The following CDHR1 variants were observed in gnomAD, a reference collection of about 807,000 sequenced individuals.
CDHR1 encodes the protein cadherin-related family member 1.
Under a neutral mutation model 72.1 loss-of-function variants are expected in CDHR1, and 61 were observed. The observed-to-expected ratio is 0.85, with a 90% CI of 0.69 to 1.05. The LOEUF is 1.05. CDHR1 is among the 50% of genes least tolerant of loss of function. CDHR1 has a pLI of 0.00. For missense variants in CDHR1, 1,186 were observed against 1,115.7 expected (o/e 1.06, Z -0.90); for synonymous variants, 470 against 448.1 (o/e 1.05, Z -0.62).
At chr10:84,211,831 A>G in intron 14 of CDHR1, 116 bp downstream of exon 14, 2 of 893,702 alleles carry the variant, frequency 2.2e-6, no homozygotes, top group Non-Finnish European at 3.7e-6. Context: ...GCCTGGGTGA[A>G]GAGAAGTGGA....
In CDHR1 at chr10:84,215,864, C is replaced by G. The variant is rs1349974549; in HGVS notation, c.*1243C>G. The G allele has an allele frequency of 2.0e-6, 2 of 985,444 alleles. No homozygotes were observed. The highest frequency in any genetic ancestry group is 6.1e-5 in the Admixed American group (1 of 16,274). The allele number at this position is 985,444 out of a possible 1,614,324, so 61.0% of individuals were successfully genotyped here. A position where few individuals can be genotyped will look rare whatever the true frequency, so the allele number is the denominator to read the frequency against. On this transcript the variant is annotated 3_prime_UTR_variant, in exon 17 of 17. Transcript: ENST00000623527. ...TACTTCTGTTCTTCCCTCACTCCAT[C>G]CCCGCTACCGTCCTGGCCAGCTACC...
At chr10:84,196,230 C>T (rs939458462) in intron 2 of CDHR1, among the ~76,000 whole-genome samples, 1 of 152,130 alleles carries the variant, frequency 6.6e-6, no homozygotes, top group African/African-American at 2.4e-5. Flanking sequence ...CAGTTAGGCA[C>T]GGCAGACCTG....
chr10:84,216,536 C>A lies in CDHR1; in HGVS notation c.*1915C>A, dbSNP rs41291362. 7.0e-3 allele frequency: 6,910 copies of A among 985,466 alleles called. 31 individuals carry two copies. Among genetic ancestry groups the A allele is most frequent in the Non-Finnish European group, 7.9e-3 (6,583 of 829,942 alleles). The allele number at this position is 985,466 out of a possible 1,614,324, so 61.0% of individuals were successfully genotyped here. On this transcript the variant is annotated 3_prime_UTR_variant, in exon 17 of 17. Transcript: ENST00000623527. The stretch of plus-strand genomic sequence containing the variant: ...CTGTTACCCAAAGGCCATGCTGATC[C>A]CCTGCTCCCTGCTTTCATTTATGTT...
chr10:84,203,357 A>G lies in CDHR1; in HGVS notation c.783+234A>G, dbSNP rs185854842. Among the ~76,000 whole-genome samples, 976 of 152,248 alleles carry G rather than the reference A, an allele frequency of 6.4e-3. 10 individuals carry two copies. The highest frequency in any genetic ancestry group is 0.027 in the Middle Eastern group (8 of 294). The stretch of plus-strand genomic sequence containing the variant: ...GGCTGGAGCCAGGCCTCGCTAGGCT[A>G]CAGCTTAAGAACTCTGTGCAATTGA... On this transcript the variant is annotated intron_variant, in intron 8 of 16. Coordinates refer to ENST00000623527, the MANE Select transcript of CDHR1 (RefSeq NM_033100.4).
rs1470585839 is a variant in CDHR1, at chr10:84,212,342, C to A, written c.1717C>A (p.Pro573Thr). 2.5e-6 allele frequency: 4 copies of A among 1,614,106 alleles called. No homozygotes were observed. Among genetic ancestry groups the A allele is most frequent in the Non-Finnish European group, 3.4e-6 (4 of 1,180,048 alleles). The change falls in exon 15 of 17, where the codon CCC becomes ACC. Residue 573 changes from proline (P) to threonine (T), a missense_variant. By Grantham distance (38) the Pro-to-Thr change is conservative (BLOSUM62 -1). Transcript: ENST00000623527. ...CACACTGCTGGATGTCAATGACCAC[C>A]CCCCTCAGTTTGGAAAGAGCGTTCA... ...FITLLDVNDH[P>T]PQFGKSVQKK... is the part of the protein sequence containing the mutation.
At chr10:84,204,652 AC>A in intron 9 of CDHR1, 47 bp downstream of exon 9, 1 of 1,331,350 alleles carries the variant, frequency 7.5e-7, no homozygotes, top group Non-Finnish European at 1.1e-6. Flanking sequence ...TCTCTAGGTG[AC>A]CAGAGCAAGG....
intron 12 of CDHR1, among the ~76,000 whole-genome samples, chr10:84,209,331 T>A (rs1435740257): frequency 6.6e-6 from 1 of 152,208 alleles, no homozygotes; most frequent in Non-Finnish European, 1.5e-5. Context: ...TATAATATGT[T>A]AATAGGAAAA....
chr10:84,212,978 G>A, intron 15 of CDHR1, 113 bp from the exon 16 acceptor site: 1 of 1,348,418 alleles, frequency 7.4e-7, no homozygotes, highest in Non-Finnish European at 1.1e-6. Flanking sequence ...CTCAAAATAG[G>A]ATCAGGACCA....
Position 84,212,279 on chromosome 10 carries a change from G to A in CDHR1, c.1654G>A (p.Asp552Asn), listed in dbSNP as rs1842347048. The A allele has an allele frequency of 2.5e-6, 4 of 1,614,120 alleles. No homozygotes were observed. Among genetic ancestry groups the A allele is most frequent in the Non-Finnish European group, 3.4e-6 (4 of 1,180,030 alleles). The change falls in exon 15 of 17, where the codon GAC (aspartate) becomes AAC (asparagine). Residue 552 changes from aspartate (D) to asparagine (N), a missense_variant. Asp to Asn is a conservative substitution (Grantham distance 23, BLOSUM62 1). Coordinates refer to ENST00000623527, the MANE Select transcript of CDHR1 (RefSeq NM_033100.4). ...GTACAACTTCTATGTGAAGGCAGAG[G>A]ACATGGAAGGCAAGTACAGCGTAGC... Reference protein sequence around the residue: ...ARYNFYVKAEDMEGKYSVAEV... With the variant: ...ARYNFYVKAENMEGKYSVAEV...
intron 9 of CDHR1, among the ~76,000 whole-genome samples, chr10:84,205,287 T>A (rs990530750): frequency 1.3e-5 from 2 of 152,144 alleles, no homozygotes; most frequent in Non-Finnish European, 2.9e-5. Flanking sequence ...AGCTCACATG[T>A]GGGCTGCCAG....
chr10:84,209,105 G>T (rs571292315), intron 12 of CDHR1, among the ~76,000 whole-genome samples: 170 of 152,324 alleles, frequency 1.1e-3, no homozygotes, highest in African/African-American at 3.9e-3. Flanking sequence ...AGGTGGTGGT[G>T]TGGGATCAAA....
Position 84,211,059 on chromosome 10 carries a change from TC to T in CDHR1, c.1381del (p.Gln461SerfsTer47). On this transcript the variant is annotated frameshift_variant, in exon 13 of 17. Transcript: ENST00000623527. LOFTEE classifies it high-confidence loss of function. ...TTCAGTTCCACAGCGGATGTTGTGA[TC>T]CAGCTCCTGGACACCAATGACAATG... is the stretch of plus-strand genomic sequence containing the variant. ...EKFSSTADVV[I>X]QLLDTNDNVP... is the part of the protein sequence containing the mutation. The T allele has an allele frequency of 6.2e-7, 1 of 1,614,194 alleles. No individual in the cohort carries two copies. Among genetic ancestry groups the T allele is most frequent in the Non-Finnish European group, 8.5e-7 (1 of 1,180,036 alleles).
In CDHR1 at chr10:84,212,233, G is replaced by A. The variant is rs749652420; in HGVS notation, c.1608G>A (p.Leu536=). ...GLIYTQPWAS[L]DAEATARYNF... is the part of the protein sequence containing the mutation. ...TCTACACCCAGCCCTGGGCTAGCCT[G>A]GACGCTGAGGCCACTGCCAGGTACA... The change falls in exon 15 of 17, where the codon CTG becomes CTA. Residue 536 remains leucine (L), a synonymous_variant. Coordinates refer to ENST00000623527, the MANE Select transcript of CDHR1 (RefSeq NM_033100.4). 7.4e-6 allele frequency: 12 copies of A among 1,614,132 alleles called. No individual in the cohort carries two copies. In the East Asian group the frequency reaches 1.3e-4, roughly 18 times the overall value.
chr10:84,204,146 A>G (rs1408000207), intron 8 of CDHR1, among the ~76,000 whole-genome samples: 1 of 152,100 alleles, frequency 6.6e-6, no homozygotes, highest in East Asian at 1.9e-4. Context: ...TCCTTCATGC[A>G]CCTCTGGGGT....
Position 84,215,237 on chromosome 10 carries a change from G to T in CDHR1, c.*616G>T, listed in dbSNP as rs184945693. 1 of 992,676 alleles carries T rather than the reference G, an allele frequency of 1.0e-6. No homozygotes were observed. The highest frequency in any genetic ancestry group is 1.2e-6 in the Non-Finnish European group (1 of 834,328). 61.5% of individuals were successfully genotyped at this position (992,676 alleles called of 1,614,324 possible). On this transcript the variant is annotated 3_prime_UTR_variant, in exon 17 of 17. Coordinates refer to ENST00000623527, the MANE Select transcript of CDHR1 (RefSeq NM_033100.4). Reference sequence around the variant, plus strand: ...TGGAAAGATAGAGCATTCTGTCTGGGCAGAGACTGTGGACCCTGGTATGCC... The same window carrying T: ...TGGAAAGATAGAGCATTCTGTCTGGTCAGAGACTGTGGACCCTGGTATGCC...
Position 84,214,665 on chromosome 10 carries a change from C to T in CDHR1, c.*44C>T. On this transcript the variant is annotated 3_prime_UTR_variant, in exon 17 of 17. Transcript: ENST00000623527. ...CCATCTTTCCTCCGCCCCTGACCCC[C>T]ACCACCCTGCTGCTCGGACTATGCT... 3 of 1,598,760 alleles carry T rather than the reference C, an allele frequency of 1.9e-6. No individual in the cohort carries two copies. Among genetic ancestry groups the T allele is most frequent in the Non-Finnish European group, 2.5e-6 (3 of 1,179,578 alleles).
rs1313137923 is a variant in CDHR1 at position 84,195,552 on chromosome 10, CA to C, written c.115del (p.Met39TrpfsTer12). On this transcript the variant is annotated frameshift_variant, in exon 2 of 17. Transcript: ENST00000623527. LOFTEE classifies it high-confidence loss of function. ...ACGGGGTCGGCAGCACCAACGGAAA[CA>C]TGGCTCTGTTCAGCCTCCCAGAGGA... ...DNGVGSTNGN[M>X]ALFSLPEDTP... 2 of 1,614,074 alleles carry C rather than the reference CA, an allele frequency of 1.2e-6. No individual in the cohort carries two copies. Among genetic ancestry groups the C allele is most frequent in the Non-Finnish European group, 1.7e-6 (2 of 1,180,014 alleles).
rs763318304 is a variant in CDHR1, at chr10:84,201,841, G to C, written c.560G>C (p.Ser187Thr). 4 of 1,610,262 alleles carry C rather than the reference G, an allele frequency of 2.5e-6. No homozygotes were observed. The highest frequency in any genetic ancestry group is 3.4e-6 in the Non-Finnish European group (4 of 1,180,016). ...LHSPFAVDRH[S>T]GVLRLQAGAT... ...TCCCCATTTGCCGTGGACCGCCACA[G>C]CGGTGTGCTGCGCCTCCAGGCTGGG... Residue 187 changes from serine to threonine, a missense_variant, in exon 7 of 17, where the codon AGC (serine) becomes ACC (threonine). Coordinates refer to ENST00000623527, the MANE Select transcript of CDHR1 (RefSeq NM_033100.4).
downstream of CDHR1, chr10:84,218,738 A>T: frequency 1.0e-6 from 1 of 1,000,340 alleles, no homozygotes; most frequent in South Asian, 4.7e-5. Flanking sequence ...TAAACAGAAC[A>T]TGTGAAGGAT....
Sources: allele counts gnomAD v4.1 joint callset (sites outside exome capture counted in the v4.1 genomes callset), GRCh38; gene constraint gnomAD v4.1.1; transcripts MANE v1.5; gene names NCBI Gene and HGNC (gene_info 2026-07-23, HGNC 2026-07-21).